The following LPAR3 variants were observed in gnomAD, a reference collection of about 807,000 sequenced individuals.
The protein encoded by LPAR3 is lysophosphatidic acid receptor 3.
A neutral mutation model predicts 17.8 loss-of-function variants in LPAR3; 7 were observed. That is an observed-to-expected ratio of 0.39 (90% CI 0.22 to 0.74). The LOEUF (loss-of-function observed/expected upper bound fraction) is 0.74, where lower values mean the gene tolerates loss of function less well. LPAR3 is among the 30% of genes least tolerant of loss of function. LPAR3 has a pLI of 0.40. For synonymous variants in LPAR3, 179 were observed against 179.9 expected, an observed-to-expected ratio of 0.99 and a Z score of 0.04; for missense variants, 391 against 453.4, an observed-to-expected ratio of 0.86 and a Z score of 1.25.
intron 1 of LPAR3, among the ~76,000 whole-genome samples, chr1:84,874,966 C>T (rs147195731): frequency 0.014 from 2,088 of 148,412 alleles, 46 homozygotes; most frequent in African/African-American, 0.05. Context: ...GTGGTACGAT[C>T]TTGGCTCACT....
At chr1:84,829,640 GA>G (rs988144624) in intron 2 of LPAR3, among the ~76,000 whole-genome samples, 156 of 145,390 alleles carry the variant, frequency 1.1e-3, no homozygotes, top group Non-Finnish European at 1.7e-3. Context: ...TCATGCTCAA[GA>G]AAAAAAAAAT....
chr1:84,890,335 T>C (rs1660531117), intron 1 of LPAR3, among the ~76,000 whole-genome samples: 1 of 152,234 alleles, frequency 6.6e-6, no homozygotes, highest in Admixed American at 6.5e-5. Flanking sequence ...TACCAGAATA[T>C]ACATTTGCAC....
At chr1:84,874,308 T>G (rs974668965) in intron 1 of LPAR3, among the ~76,000 whole-genome samples, 5 of 152,130 alleles carry the variant, frequency 3.3e-5, no homozygotes, top group Non-Finnish European at 7.3e-5. Context: ...AATAAACAGG[T>G]TCTTGTGTCA....
rs564354340 is a variant in LPAR3 at position 84,877,194 on chromosome 1, G to A, written c.-18-11056C>T. ...CTTATGATGTCTGGCAAGGGGTAAG[G>A]TAATGACAACCTGAGCCAAGGGGAA... On this transcript the variant is annotated intron_variant, in intron 1 of 2. Transcript: ENST00000370611. Among the ~76,000 whole-genome samples the A allele has an allele frequency of 1.6e-4, 24 of 152,326 alleles. No homozygotes were observed. In the South Asian group the frequency reaches 4.1e-3, roughly 26 times the overall value.
chr1:84,891,001 A>C (rs901997164), intron 1 of LPAR3, among the ~76,000 whole-genome samples: 1 of 152,216 alleles, frequency 6.6e-6, no homozygotes, highest in Non-Finnish European at 1.5e-5. Flanking sequence ...GAGAGTTAAC[A>C]TGCTGTAGTT....
At chr1:84,889,072 G>A (rs1660509868) in intron 1 of LPAR3, among the ~76,000 whole-genome samples, 1 of 151,942 alleles carries the variant, frequency 6.6e-6, no homozygotes, top group Admixed American at 6.6e-5. Context: ...GTTCAAGGTT[G>A]TAGATACACA....
intron 2 of LPAR3, among the ~76,000 whole-genome samples, chr1:84,860,531 G>A (rs1221414879): frequency 6.6e-6 from 1 of 151,936 alleles, no homozygotes; most frequent in Non-Finnish European, 1.5e-5. Context: ...TATCCTTCCA[G>A]ATTACATCCC....
rs2102741954 is a variant in LPAR3 at position 84,813,794 on chromosome 1, T to C, written c.*52A>G. On this transcript the variant is annotated 3_prime_UTR_variant, in exon 3 of 3. Coordinates refer to ENST00000370611, the MANE Select transcript of LPAR3 (RefSeq NM_012152.3). ...TTTGTTAGAGACAGGTAATCATTCT[T>C]AACAGCTCTTTTCCCAGAGGAGGCC... is the stretch of plus-strand genomic sequence containing the variant. 2 of 1,411,862 alleles carry C rather than the reference T, an allele frequency of 1.4e-6. No homozygotes were observed. The highest frequency in any genetic ancestry group is 4.6e-5 in the East Asian group (2 of 43,384). The allele number at this position is 1,411,862 out of a possible 1,614,324, so 87.5% of individuals were successfully genotyped here. A position where few individuals can be genotyped will look rare whatever the true frequency, so the allele number is the denominator to read the frequency against.
chr1:84,819,463 G>C (rs1034083507), intron 2 of LPAR3, among the ~76,000 whole-genome samples: 5 of 152,270 alleles, frequency 3.3e-5, no homozygotes, highest in African/African-American at 1.2e-4. Flanking sequence ...GGACTAAAAA[G>C]TTCCCTGGGT....
At chr1:84,847,985 A>G (rs963497886) in intron 2 of LPAR3, among the ~76,000 whole-genome samples, 11 of 152,158 alleles carry the variant, frequency 7.2e-5, no homozygotes, top group Non-Finnish European at 1.6e-4. Flanking sequence ...TGGGAACTGC[A>G]GTTTTGCCCT....
At chr1:84,829,482 T>C (rs2102748961) in intron 2 of LPAR3, among the ~76,000 whole-genome samples, 1 of 152,100 alleles carries the variant, frequency 6.6e-6, no homozygotes, top group Non-Finnish European at 1.5e-5. Flanking sequence ...GATGACCATA[T>C]CTGCTTCCAT....
intron 2 of LPAR3, among the ~76,000 whole-genome samples, chr1:84,860,577 CCT>C (rs1299671004): frequency 1.3e-5 from 2 of 152,106 alleles, no homozygotes; most frequent in East Asian, 1.9e-4. Context: ...CTCAACAGCC[CCT>C]GTCCATCCTT....
chr1:84,817,579 C>T (rs1464913427), intron 2 of LPAR3, among the ~76,000 whole-genome samples: 1 of 152,166 alleles, frequency 6.6e-6, no homozygotes, highest in African/African-American at 2.4e-5. Context: ...AAGGCAACAT[C>T]TCTGAAGTAC....
At chr1:84,869,798 A>G (rs555064492) in intron 1 of LPAR3, among the ~76,000 whole-genome samples, 1 of 152,346 alleles carries the variant, frequency 6.6e-6, no homozygotes, top group East Asian at 1.9e-4. Flanking sequence ...TTAATGTTCA[A>G]AGGAAAAGCC....
chr1:84,872,998 T>C (rs2102768548), intron 1 of LPAR3, among the ~76,000 whole-genome samples: 1 of 152,284 alleles, frequency 6.6e-6, no homozygotes, highest in Non-Finnish European at 1.5e-5. Flanking sequence ...AAACATCAGC[T>C]AAATCGCAGT....
intron 1 of LPAR3, among the ~76,000 whole-genome samples, chr1:84,885,125 A>AG (rs534698892): frequency 6.6e-6 from 1 of 151,980 alleles, no homozygotes; most frequent in Non-Finnish European, 1.5e-5. Flanking sequence ...GACTTGGGGG[A>AG]GGGGGGTACT....
At chr1:84,834,842 A>G (rs955839950) in intron 2 of LPAR3, among the ~76,000 whole-genome samples, 5 of 152,152 alleles carry the variant, frequency 3.3e-5, no homozygotes, top group Non-Finnish European at 7.4e-5. Flanking sequence ...CACTACACAC[A>G]AGGGTCATCA....
At position 84,866,087 on chromosome 1, in the gene LPAR3, A is replaced by T. The variant is rs1660043246; in HGVS notation, c.34T>A (p.Phe12Ile). 6.2e-7 allele frequency: 1 copy of T among 1,600,900 alleles called. No homozygotes were observed. Among genetic ancestry groups the T allele is most frequent in the Non-Finnish European group, 8.5e-7 (1 of 1,175,046 alleles). Residue 12 changes from phenylalanine (F) to isoleucine (I), a missense_variant, in exon 2 of 3, where the codon TTT (phenylalanine) becomes ATT (isoleucine). Phe to Ile is a conservative substitution (Grantham distance 21). Transcript: ENST00000370611. ...NECHYDKHMDFFYNRSNTDTV... is the reference protein window; with the variant it reads ...NECHYDKHMDIFYNRSNTDTV... ...TCAGTGTTGCTCCTATTATAAAAAA[A>T]GTCCATGTGCTTGTCATAGTGACAC...
intron 2 of LPAR3, among the ~76,000 whole-genome samples, chr1:84,864,360 T>C (rs1419273979): frequency 6.6e-6 from 1 of 152,228 alleles, no homozygotes; most frequent in Non-Finnish European, 1.5e-5. Context: ...AAATCAGAAC[T>C]TGTCAATGAC....
Sources: gnomAD v4.1 joint callset for allele counts (sites outside exome capture counted in the v4.1 genomes callset) on GRCh38, gnomAD v4.1.1 for gene constraint, MANE v1.5 for transcripts, NCBI Gene and HGNC (gene_info 2026-07-23, HGNC 2026-07-21) for gene names.